AHCTF1: variants seen among roughly 807,000 people sequenced by gnomAD.
The protein encoded by AHCTF1 is AT-hook containing transcription factor 1.
Under a neutral mutation model 248.4 loss-of-function variants are expected in AHCTF1, and 24 were observed. The ratio of observed to expected loss-of-function variants is 0.10; its 90% CI spans 0.07 to 0.14. The LOEUF (loss-of-function observed/expected upper bound fraction) is 0.14. Ranked by LOEUF, AHCTF1 falls within the 10% of genes least tolerant of loss-of-function variation. The pLI, the probability that AHCTF1 is intolerant of heterozygous loss-of-function variation, is 1.00. For missense variants in AHCTF1, 2,206 were observed against 2,636.2 expected (o/e 0.84, Z 3.57); for synonymous variants, 786 against 929.8 (o/e 0.85, Z 2.81).
intron 1 of AHCTF1, among the ~76,000 whole-genome samples, chr1:246,930,553 A>G (rs1667271574): frequency 6.6e-6 from 1 of 150,444 alleles, no homozygotes; most frequent in Admixed American, 6.7e-5. Context: ...CTCCTAAGAG[A>G]CTCTATCAGT....
Position 246,851,310 on chromosome 1 carries a change from C to A in AHCTF1, c.4696G>T (p.Asp1566Tyr). 1 of 1,614,060 alleles carries A rather than the reference C, an allele frequency of 6.2e-7. No homozygotes were observed. The highest frequency in any genetic ancestry group is 8.5e-7 in the Non-Finnish European group (1 of 1,179,968). ...NFDTIDQQFC[D>Y]LADNKDTAEC... ...GCAGTGTCTTTGTTATCAGCTAAGTCACAAAACTGTTGGTCAATAGTATCA... is the reference window on the plus strand; with the variant it reads ...GCAGTGTCTTTGTTATCAGCTAAGTAACAAAACTGTTGGTCAATAGTATCA... The change falls in exon 33 of 36, where the codon GAC (aspartate) becomes TAC (tyrosine). Residue 1566 changes from aspartate to tyrosine, a missense_variant. Around this residue, in one of 6 missense-constraint regions of AHCTF1, gnomAD observed 955 missense variants for 1,055.6 expected, o/e 0.90. Transcript: ENST00000648844.
rs370165641 is a variant in AHCTF1, at chr1:246,924,168, A to G, written c.-7-5791T>C. 9.2e-5 allele frequency among the ~76,000 whole-genome samples: 14 copies of G among 152,354 alleles called. No individual in the cohort carries two copies. In the East Asian group the frequency reaches 1.4e-3, roughly 15 times the overall value. On this transcript the variant is annotated intron_variant, in intron 1 of 35. Transcript: ENST00000648844. The stretch of plus-strand genomic sequence containing the variant: ...AAACTGAAACCTGTGGTAAAATAAC[A>G]GGATAACAGCCACTTCTAACAGATG...
At chr1:246,876,697 T>A (rs1662992204) in intron 23 of AHCTF1, among the ~76,000 whole-genome samples, 1 of 152,204 alleles carries the variant, frequency 6.6e-6, no homozygotes, top group African/African-American at 2.4e-5. Context: ...GGCCTCTACA[T>A]CTTCCTCTTG....
chr1:246,896,097 G>C lies in AHCTF1; in HGVS notation c.1624-172C>G, dbSNP rs200085237. The stretch of plus-strand genomic sequence containing the variant: ...GCATGGTAAGGACGTGTTAAAACTG[G>C]AACTCTCATACACTGCTGGTGGGAA... On this transcript the variant is annotated intron_variant, in intron 12 of 35. Transcript: ENST00000648844. Among the ~76,000 whole-genome samples the C allele has an allele frequency of 4.6e-5, 7 of 152,284 alleles. No homozygotes were observed. In the East Asian group the frequency reaches 1.3e-3, roughly 29 times the overall value.
intron 16 of AHCTF1, among the ~76,000 whole-genome samples, chr1:246,890,396 A>T (rs867761724): frequency 1.3e-5 from 2 of 152,212 alleles, no homozygotes; most frequent in African/African-American, 2.4e-5. Context: ...AATAAGATCA[A>T]CAATTATGTA....
At position 246,843,826 on chromosome 1, in the gene AHCTF1, G is replaced by A; in HGVS notation, c.6494C>T (p.Thr2165Ile). Reference protein sequence around the residue: ...PPALRSRQKNTSNKNKLEDEL... With the variant: ...PPALRSRQKNISNKNKLEDEL... The stretch of plus-strand genomic sequence containing the variant: ...ATCTTCAAGCTTGTTCTTATTGGAT[G>A]TGTTTTTTTGTCTGCTCCTTAAAGC... The change falls in exon 34 of 36, where the codon ACA becomes ATA. Residue 2165 changes from threonine to isoleucine, a missense_variant. Physicochemically the swap from Thr to Ile is moderately conservative, Grantham distance 89. Coordinates refer to ENST00000648844, the MANE Select transcript of AHCTF1 (RefSeq NM_001323342.2). 12 of 1,479,162 alleles carry A rather than the reference G, an allele frequency of 8.1e-6. No homozygotes were observed. The highest frequency in any genetic ancestry group is 1.1e-5 in the Non-Finnish European group (12 of 1,113,940). The allele number at this position is 1,479,162 out of a possible 1,614,324, so 91.6% of individuals were successfully genotyped here.
intron 24 of AHCTF1, among the ~76,000 whole-genome samples, chr1:246,872,243 A>G (rs770741009): frequency 6.6e-6 from 1 of 152,160 alleles, no homozygotes; most frequent in Admixed American, 6.6e-5. Flanking sequence ...TTTGTACAAA[A>G]TAATACTCAG....
At chr1:246,893,601 A>T (rs1222964028) in intron 14 of AHCTF1, among the ~76,000 whole-genome samples, 1 of 152,240 alleles carries the variant, frequency 6.6e-6, no homozygotes, top group Non-Finnish European at 1.5e-5. Context: ...AATGAACAAC[A>T]GATTAATAAA....
chr1:246,907,437 A>C, intron 5 of AHCTF1, 114 bp downstream of exon 5: 1 of 922,024 alleles, frequency 1.1e-6, no homozygotes, highest in Non-Finnish European at 1.6e-6. Flanking sequence ...TCATTCAATC[A>C]TTAATCTACC....
chr1:246,924,843 A>G (rs1393451724), intron 1 of AHCTF1, among the ~76,000 whole-genome samples: 1 of 142,058 alleles, frequency 7.0e-6, no homozygotes, highest in African/African-American at 2.7e-5. Context: ...TCCAAAACAG[A>G]TCCAAAAGTC....
Position 246,863,999 on chromosome 1 carries a change from C to A in AHCTF1, c.3465G>T (p.Ser1155=), listed in dbSNP as rs563092117. The A allele has an allele frequency of 2.0e-5, 33 of 1,613,998 alleles. No homozygotes were observed. In the East Asian group the frequency reaches 5.3e-4, roughly 26 times the overall value. Residue 1155 remains serine (S), a synonymous_variant, in exon 27 of 36, where the codon TCG becomes TCT. Transcript: ENST00000648844. Reference sequence around the variant, plus strand: ...TGGCCTGAGGCGATCCTTTTAATTGCGAACTTGAGGGCAGTGAACGGGATA... The same window carrying A: ...TGGCCTGAGGCGATCCTTTTAATTGAGAACTTGAGGGCAGTGAACGGGATA... ...YLVSRSLPSS[S]QLKGSPQAIS...
chr1:246,889,128 TGAA>T (rs1664032302), intron 17 of AHCTF1, among the ~76,000 whole-genome samples: 1 of 152,212 alleles, frequency 6.6e-6, no homozygotes, highest in African/African-American at 2.4e-5. Flanking sequence ...GTGAAAATAA[TGAA>T]GTTCAAAGAC....
At chr1:246,892,675 G>A (rs1664297329) in intron 14 of AHCTF1, among the ~76,000 whole-genome samples, 1 of 151,748 alleles carries the variant, frequency 6.6e-6, no homozygotes, top group Admixed American at 6.6e-5. Context: ...TCTGTCACCT[G>A]GGCTGGAGTG....
At chr1:246,876,249 TA>T (rs1419908697) in intron 23 of AHCTF1, 62 bp from the exon 24 acceptor site, 1 of 1,341,664 alleles carries the variant, frequency 7.5e-7, no homozygotes, top group Non-Finnish European at 9.9e-7. Context: ...TGTAATTCTA[TA>T]TTTACCATTT....
chr1:246,868,592 T>G (rs1662214249), intron 24 of AHCTF1, among the ~76,000 whole-genome samples: 1 of 145,354 alleles, frequency 6.9e-6, no homozygotes, highest in Non-Finnish European at 1.5e-5. Context: ...ATTTAGGAAG[T>G]TGGGCTTTTG....
intron 1 of AHCTF1, among the ~76,000 whole-genome samples, chr1:246,920,840 C>T (rs1002917771): frequency 6.6e-6 from 1 of 151,994 alleles, no homozygotes; most frequent in East Asian, 1.9e-4. Context: ...AATCCCAGCA[C>T]TGTGGGAGGC....
At chr1:246,916,101 T>C (rs757631720) in intron 3 of AHCTF1, 41 bp downstream of exon 3, 1 of 1,586,266 alleles carries the variant, frequency 6.3e-7, no homozygotes, top group South Asian at 1.2e-5. Flanking sequence ...AGGGGTTCAG[T>C]TTTGAAAGAG....
chr1:246,898,752 G>A (rs1026383845), intron 11 of AHCTF1, among the ~76,000 whole-genome samples: 1 of 152,052 alleles, frequency 6.6e-6, no homozygotes, highest in Non-Finnish European at 1.5e-5. Flanking sequence ...ACATCTGGAC[G>A]ATTATCAATG....
chr1:246,899,348 T>C, intron 11 of AHCTF1, 103 bp downstream of exon 11: 2 of 940,816 alleles, frequency 2.1e-6, no homozygotes, highest in Non-Finnish European at 3.2e-6. Context: ...CCATTTAAGC[T>C]GAAACAACTG....
Sources: allele counts gnomAD v4.1 joint callset (sites outside exome capture counted in the v4.1 genomes callset), GRCh38; gene constraint gnomAD v4.1.1; regional missense constraint gnomAD v4.1.1; transcripts MANE v1.5; gene names NCBI Gene and HGNC (gene_info 2026-07-23, HGNC 2026-07-21).